IGF2BP3: variants seen among roughly 807,000 people sequenced by gnomAD.
The protein encoded by IGF2BP3 is insulin like growth factor 2 mRNA binding protein 3.
In IGF2BP3, 9 loss-of-function variants were observed where a neutral mutation model predicts 73.8. The observed-to-expected ratio is 0.12, with a 90% CI of 0.07 to 0.21. The LOEUF (loss-of-function observed/expected upper bound fraction) is 0.21. Among genes scored for constraint, IGF2BP3 ranks in the 10% least tolerant of loss-of-function variants. The pLI, the probability that IGF2BP3 is intolerant of heterozygous loss-of-function variation, is 1.00. For synonymous variants in IGF2BP3, 258 were observed against 256.7 expected (o/e 1.01, Z -0.05); for missense variants, 542 against 714.0 (o/e 0.76, Z 2.75).
intron 3 of IGF2BP3, among the ~76,000 whole-genome samples, chr7:23,366,609 A>G (rs1053603393): frequency 6.6e-6 from 1 of 152,098 alleles, no homozygotes; most frequent in African/African-American, 2.4e-5. Context: ...CTTAGAAGAA[A>G]TAGGTGCAGA....
intron 2 of IGF2BP3, among the ~76,000 whole-genome samples, chr7:23,440,764 A>G (rs372096803): frequency 3.9e-5 from 6 of 152,322 alleles, no homozygotes; most frequent in East Asian, 3.9e-4. Context: ...AGGCTCTACT[A>G]GGGCTATAGA....
At chr7:23,315,460 C>CTATATAAACAACCTATTA (rs1180451090) in intron 12 of IGF2BP3, among the ~76,000 whole-genome samples, 1 of 152,132 alleles carries the variant, frequency 6.6e-6, no homozygotes, top group Non-Finnish European at 1.5e-5. Context: ...CTGCATGCAA[C>CTATATAAACAACCTATTA]TATATAAACA....
At chr7:23,325,030 C>CT (rs1292111140) in intron 10 of IGF2BP3, among the ~76,000 whole-genome samples, 2 of 151,888 alleles carry the variant, frequency 1.3e-5, no homozygotes, top group African/African-American at 4.9e-5. Context: ...GATGACCTCT[C>CT]TCACCACTCC....
intron 11 of IGF2BP3, 112 bp downstream of exon 11, chr7:23,319,026 T>C: frequency 2.7e-6 from 2 of 729,942 alleles, no homozygotes; most frequent in Non-Finnish European, 4.6e-6. Context: ...CATATCCTTA[T>C]GTAACCCTAA....
chr7:23,352,725 C>T (rs1166221594), intron 5 of IGF2BP3, among the ~76,000 whole-genome samples: 1 of 152,174 alleles, frequency 6.6e-6, no homozygotes, highest in African/African-American at 2.4e-5. Context: ...CCGGAAGCCC[C>T]AACAGTACCT....
intron 2 of IGF2BP3, among the ~76,000 whole-genome samples, chr7:23,467,607 C>A (rs1046041921): frequency 1.3e-5 from 2 of 151,952 alleles, no homozygotes; most frequent in African/African-American, 2.4e-5. Flanking sequence ...CAAAACAAAA[C>A]AAAAAAATAG....
chr7:23,357,923 T>C (rs1785136270), intron 5 of IGF2BP3, among the ~76,000 whole-genome samples: 1 of 152,186 alleles, frequency 6.6e-6, no homozygotes. Flanking sequence ...ACGTTAAAAC[T>C]AGCTGCCTGG....
At position 23,396,041 on chromosome 7, in the gene IGF2BP3, GTTT is replaced by G. The variant is rs10718892; in HGVS notation, c.285+22732_285+22734del. On this transcript the variant is annotated intron_variant, in intron 3 of 14. Transcript: ENST00000258729. ...ACCCCTACACAAAAAAATCCAGTGA[GTTT>G]TTTTTTTTTTTTTTAACCCAATAAC... Among the ~76,000 whole-genome samples, 253 of 143,392 alleles carry G rather than the reference GTTT, an allele frequency of 1.8e-3. 2 individuals carry two copies. The highest frequency in any genetic ancestry group is 4.1e-3 in the African/African-American group (160 of 38,768). The allele number at this position is 143,392 out of a possible 152,430, so 94.1% of individuals were successfully genotyped here. A position where few individuals can be genotyped will look rare whatever the true frequency, so the allele number is the denominator to read the frequency against.
intron 2 of IGF2BP3, among the ~76,000 whole-genome samples, chr7:23,456,099 G>C (rs911715881): frequency 6.6e-6 from 1 of 151,688 alleles, no homozygotes; most frequent in East Asian, 1.9e-4. Context: ...AGTCATTTCA[G>C]AAACTCAAAA....
intron 2 of IGF2BP3, among the ~76,000 whole-genome samples, chr7:23,453,557 T>G (rs974958844): frequency 3.3e-5 from 5 of 152,242 alleles, no homozygotes; most frequent in African/African-American, 1.2e-4. Context: ...ACGATATTGC[T>G]GATTAAAACT....
intron 2 of IGF2BP3, among the ~76,000 whole-genome samples, chr7:23,456,691 C>T (rs1376680398): frequency 2.0e-5 from 3 of 152,218 alleles, no homozygotes; most frequent in Non-Finnish European, 4.4e-5. Context: ...AACGGTCTCA[C>T]TGCACACTTC....
At chr7:23,380,245 C>A (rs187475426) in intron 3 of IGF2BP3, among the ~76,000 whole-genome samples, 1 of 149,922 alleles carries the variant, frequency 6.7e-6, no homozygotes, top group Non-Finnish European at 1.5e-5. Flanking sequence ...CTCACTGCAA[C>A]CTCCGCCTCC....
At chr7:23,370,679 T>C (rs1044115860) in intron 3 of IGF2BP3, among the ~76,000 whole-genome samples, 2 of 149,078 alleles carry the variant, frequency 1.3e-5, no homozygotes, top group African/African-American at 5.2e-5. Flanking sequence ...TTTTTGGTTT[T>C]TTTGTTTTTT....
At chr7:23,391,803 G>A (rs1786285930) in intron 3 of IGF2BP3, among the ~76,000 whole-genome samples, 1 of 152,214 alleles carries the variant, frequency 6.6e-6, no homozygotes, top group Non-Finnish European at 1.5e-5. Context: ...AACACAGAAG[G>A]TAGAATGGCA....
chr7:23,452,239 C>T (rs958551164), intron 2 of IGF2BP3, among the ~76,000 whole-genome samples: 2 of 151,940 alleles, frequency 1.3e-5, no homozygotes, highest in East Asian at 2.0e-4. Context: ...CTCCTAACCT[C>T]GTGATCCGCC....
At chr7:23,416,611 T>C (rs974560567) in intron 3 of IGF2BP3, among the ~76,000 whole-genome samples, 2 of 152,338 alleles carry the variant, frequency 1.3e-5, no homozygotes, top group Admixed American at 1.3e-4. Flanking sequence ...GTACATAAGG[T>C]CCGGTCATTC....
chr7:23,321,544 G>A (rs1185365478), intron 10 of IGF2BP3, among the ~76,000 whole-genome samples: 1 of 152,238 alleles, frequency 6.6e-6, no homozygotes, highest in East Asian at 1.9e-4. Context: ...AAAGCAGCCA[G>A]GACGCTCGAA....
chr7:23,455,731 G>A (rs1788300324), intron 2 of IGF2BP3, among the ~76,000 whole-genome samples: 1 of 152,166 alleles, frequency 6.6e-6, no homozygotes, highest in South Asian at 2.1e-4. Context: ...TGTTGCCCAG[G>A]CTGGAGTGCG....
intron 2 of IGF2BP3, among the ~76,000 whole-genome samples, chr7:23,427,722 A>C (rs1046154812): frequency 6.6e-6 from 1 of 151,916 alleles, no homozygotes; most frequent in Non-Finnish European, 1.5e-5. Flanking sequence ...AAATAGAAAA[A>C]TTAGGCCAGG....
Sources: gnomAD v4.1 joint callset for allele counts (sites outside exome capture counted in the v4.1 genomes callset) on GRCh38, gnomAD v4.1.1 for gene constraint, MANE v1.5 for transcripts, NCBI Gene and HGNC (gene_info 2026-07-23, HGNC 2026-07-21) for gene names.